The following TMEM45B variants were observed in gnomAD, a reference collection of about 807,000 sequenced individuals.
TMEM45B encodes the protein transmembrane protein 45B.
TMEM45B carries 29 observed loss-of-function variants against 27.3 expected under a neutral mutation model. The ratio of observed to expected loss-of-function variants is 1.06; its 90% CI spans 0.79 to 1.45. TMEM45B has a LOEUF of 1.45. Ranked by LOEUF, TMEM45B falls within the 40% of genes most tolerant of loss-of-function variation. The pLI is 0.00. For synonymous variants in TMEM45B, 143 were observed against 134.7 expected, an observed-to-expected ratio of 1.06 and a Z score of -0.43; for missense variants, 348 against 343.9, an observed-to-expected ratio of 1.01 and a Z score of -0.09.
rs116322283 is a variant in TMEM45B at position 129,824,336 on chromosome 11, A to C, written c.-9+8438A>C. On this transcript the variant is annotated intron_variant, in intron 1 of 5. Coordinates refer to ENST00000281441, the MANE Select transcript of TMEM45B (RefSeq NM_138788.5). ...GTGCAGTCTCTCTTAATACTAAAAA[A>C]TATATGCTACCCCACAATATGTCTG... Among the ~76,000 whole-genome samples, 553 of 152,330 alleles carry C rather than the reference A, an allele frequency of 3.6e-3. 5 individuals are homozygous for C. The highest frequency in any genetic ancestry group is 0.013 in the African/African-American group (525 of 41,558).
chr11:129,840,513 A>G (rs1439970964), intron 1 of TMEM45B, among the ~76,000 whole-genome samples: 1 of 152,204 alleles, frequency 6.6e-6, no homozygotes, highest in African/African-American at 2.4e-5. Flanking sequence ...ATGAAGTATA[A>G]TAAGCTTGAT....
chr11:129,833,872 C>T (rs1477656180), intron 1 of TMEM45B, among the ~76,000 whole-genome samples: 1 of 152,204 alleles, frequency 6.6e-6, no homozygotes, highest in East Asian at 1.9e-4. Flanking sequence ...GGAGAGACAC[C>T]TCAGAAGAAA....
chr11:129,857,537 G>C, intron 5 of TMEM45B, 79 bp downstream of exon 5: 1 of 1,551,222 alleles, frequency 6.4e-7, no homozygotes, highest in Non-Finnish European at 8.8e-7. Flanking sequence ...CATCTGATGA[G>C]TGCCGACTAC....
At chr11:129,820,912 C>T (rs893741618) in intron 1 of TMEM45B, among the ~76,000 whole-genome samples, 12 of 152,042 alleles carry the variant, frequency 7.9e-5, no homozygotes, top group African/African-American at 1.9e-4. Flanking sequence ...CATGCAGATA[C>T]GGGCCATTTC....
At chr11:129,848,356 T>A (rs944845089) in intron 1 of TMEM45B, among the ~76,000 whole-genome samples, 8 of 151,992 alleles carry the variant, frequency 5.3e-5, no homozygotes, top group South Asian at 2.1e-4. Context: ...ACCAAAAAAA[T>A]ACGAAAACCC....
At chr11:129,823,038 A>G (rs536812795) in intron 1 of TMEM45B, among the ~76,000 whole-genome samples, 104 of 152,038 alleles carry the variant, frequency 6.8e-4, no homozygotes, top group African/African-American at 2.3e-3. Context: ...ACAGGGTTTC[A>G]CCATGTTGGT....
At chr11:129,816,108 G>A (rs985620053) in intron 1 of TMEM45B, among the ~76,000 whole-genome samples, 9 of 152,146 alleles carry the variant, frequency 5.9e-5, no homozygotes, top group African/African-American at 2.2e-4. Context: ...CTGGTGTCGC[G>A]GAAGCCCAGC....
At chr11:129,822,217 A>G (rs1221867995) in intron 1 of TMEM45B, among the ~76,000 whole-genome samples, 1 of 152,100 alleles carries the variant, frequency 6.6e-6, no homozygotes, top group Admixed American at 6.6e-5. Context: ...TCCTGTTCTC[A>G]TTTCATGAAC....
chr11:129,841,758 G>A (rs1490350316), intron 1 of TMEM45B, among the ~76,000 whole-genome samples: 1 of 151,618 alleles, frequency 6.6e-6, no homozygotes, highest in Admixed American at 6.6e-5. Flanking sequence ...TACCACGCCC[G>A]GCTAATTTTT....
At chr11:129,816,019 G>T (rs1045570360) in intron 1 of TMEM45B, 121 bp downstream of exon 1, 8 of 1,226,548 alleles carry the variant, frequency 6.5e-6, no homozygotes, top group African/African-American at 6.3e-5. Flanking sequence ...GACCTGCGGG[G>T]GAGGGGACGC....
chr11:129,833,189 G>A (rs1218021644), intron 1 of TMEM45B, among the ~76,000 whole-genome samples: 1 of 151,320 alleles, frequency 6.6e-6, no homozygotes, highest in Non-Finnish European at 1.5e-5. Flanking sequence ...GCAGTGAGTT[G>A]AGGTTGTGCC....
At chr11:129,816,291 G>A (rs1041751881) in intron 1 of TMEM45B, among the ~76,000 whole-genome samples, 8 of 152,156 alleles carry the variant, frequency 5.3e-5, no homozygotes, top group Non-Finnish European at 5.9e-5. Context: ...CCGTCTGCCC[G>A]GTGAGTCCGG....
At chr11:129,820,231 C>T (rs2135549532) in intron 1 of TMEM45B, among the ~76,000 whole-genome samples, 1 of 152,204 alleles carries the variant, frequency 6.6e-6, no homozygotes, top group Non-Finnish European at 1.5e-5. Context: ...AGGAGAATCG[C>T]TTGAACCCAG....
chr11:129,858,501 G>C (rs1947961866), intron 5 of TMEM45B, 73 bp from the exon 6 acceptor site: 2 of 989,384 alleles, frequency 2.0e-6, no homozygotes, highest in Non-Finnish European at 3.1e-6. Context: ...AGAATCAGTA[G>C]ATGCCTTCAC....
chr11:129,845,408 T>C (rs891440555), intron 1 of TMEM45B, among the ~76,000 whole-genome samples: 4 of 151,382 alleles, frequency 2.6e-5, no homozygotes, highest in African/African-American at 9.8e-5. Context: ...CTATTATATA[T>C]TGGAACAAAG....
chr11:129,859,347 G>A lies in TMEM45B; in HGVS notation c.*662G>A, dbSNP rs1234882683. On this transcript the variant is annotated 3_prime_UTR_variant, in exon 6 of 6. Coordinates refer to ENST00000281441, the MANE Select transcript of TMEM45B (RefSeq NM_138788.5). Reference sequence around the variant, plus strand: ...GTTACTGGCTCTACTGAGAGTTGGAGCCCTGATGTTCTGATTCTTCAAAGT... The same window carrying A: ...GTTACTGGCTCTACTGAGAGTTGGAACCCTGATGTTCTGATTCTTCAAAGT... 6.6e-6 allele frequency: 1 copy of A among 152,054 alleles called. No individual in the cohort carries two copies. The highest frequency in any genetic ancestry group is 2.4e-5 in the African/African-American group (1 of 41,388). The allele number at this position is 152,054 out of a possible 1,614,324, so 9.4% of individuals were successfully genotyped here.
At chr11:129,857,942 C>T (rs1011243300) in intron 5 of TMEM45B, among the ~76,000 whole-genome samples, 29 of 152,308 alleles carry the variant, frequency 1.9e-4, no homozygotes, top group African/African-American at 7.0e-4. Context: ...GACTCCTATG[C>T]ACTTGCTGCG....
intron 1 of TMEM45B, among the ~76,000 whole-genome samples, chr11:129,837,226 C>A (rs1347404418): frequency 1.3e-5 from 2 of 152,058 alleles, no homozygotes; most frequent in African/African-American, 2.4e-5. Context: ...GGGCTGGTCT[C>A]TACCACGTGT....
intron 1 of TMEM45B, among the ~76,000 whole-genome samples, chr11:129,843,605 G>GA (rs148673798): frequency 0.33 from 45,633 of 136,872 alleles, 7,540 homozygotes; most frequent in East Asian, 0.49. Context: ...TCTGCTTTGA[G>GA]AAAAAAAAAA....
Sources: allele counts gnomAD v4.1 joint callset (sites outside exome capture counted in the v4.1 genomes callset), GRCh38; gene constraint gnomAD v4.1.1; transcripts MANE v1.5; gene names NCBI Gene and HGNC (gene_info 2026-07-23, HGNC 2026-07-21).